Variants in RBFOX1 observed in about 807,000 individuals in gnomAD.
The protein encoded by RBFOX1 is RNA binding fox-1 homolog 1.
RBFOX1 carries 8 observed loss-of-function variants against 57.7 expected under a neutral mutation model. The ratio of observed to expected loss-of-function variants is 0.14; its 90% CI spans 0.08 to 0.25. RBFOX1 has a LOEUF of 0.25. Ranked by LOEUF, RBFOX1 falls within the 10% of genes least tolerant of loss-of-function variation. The probability of loss-of-function intolerance (pLI) is 1.00; values close to 1 mark genes in which losing one functional copy is unlikely to be tolerated. For missense variants in RBFOX1, 611 were observed against 548.5 expected (o/e 1.11, Z -1.14); for synonymous variants, 326 against 222.4 (o/e 1.47, Z -4.15).
At chr16:7,639,092 G>C (rs2143015301) in intron 11 of RBFOX1, among the ~76,000 whole-genome samples, 1 of 152,232 alleles carries the variant, frequency 6.6e-6, no homozygotes, top group East Asian at 1.9e-4. Context: ...ACTTAAATTT[G>C]ATCAAGATAC....
intron 1 of RBFOX1, among the ~76,000 whole-genome samples, chr16:6,210,718 C>G (rs993196260): frequency 2.0e-5 from 3 of 151,380 alleles, no homozygotes; most frequent in African/African-American, 7.3e-5. Flanking sequence ...CAGTGAGACT[C>G]CCTCTCAACA....
At chr16:7,232,770 G>C (rs892797938) in intron 4 of RBFOX1, among the ~76,000 whole-genome samples, 31 of 151,626 alleles carry the variant, frequency 2.0e-4, no homozygotes, top group Admixed American at 2.0e-3. Flanking sequence ...GAACCTGGGA[G>C]GGGGAGGTTG....
intron 1 of RBFOX1, among the ~76,000 whole-genome samples, chr16:6,206,597 C>T (rs886982460): frequency 6.6e-6 from 1 of 152,118 alleles, no homozygotes; most frequent in Admixed American, 6.6e-5. Flanking sequence ...TAAATTAAAC[C>T]TTTCCCAAAT....
intron 3 of RBFOX1, among the ~76,000 whole-genome samples, chr16:5,804,012 G>A (rs1217685039): frequency 6.6e-6 from 1 of 152,074 alleles, no homozygotes; most frequent in Non-Finnish European, 1.5e-5. Context: ...TTTCCTCTGG[G>A]AAGTCTTGCC....
intron 4 of RBFOX1, among the ~76,000 whole-genome samples, chr16:7,226,539 A>G (rs1177350209): frequency 6.6e-6 from 1 of 152,206 alleles, no homozygotes; most frequent in South Asian, 2.1e-4. Flanking sequence ...TGCCGTAACA[A>G]ATTCTCTCAA....
intron 3 of RBFOX1, among the ~76,000 whole-genome samples, chr16:6,745,533 A>G (rs989977303): frequency 6.6e-6 from 1 of 152,232 alleles, no homozygotes; most frequent in African/African-American, 2.4e-5. Context: ...CATATTAACA[A>G]CAAAATGTGA....
At chr16:7,435,144 C>G (rs749334957) in intron 4 of RBFOX1, among the ~76,000 whole-genome samples, 13 of 152,140 alleles carry the variant, frequency 8.5e-5, no homozygotes, top group Admixed American at 2.0e-4. Context: ...TCGTTCTTTT[C>G]TGTTCCAGGA....
intron 4 of RBFOX1, among the ~76,000 whole-genome samples, chr16:7,464,737 C>T (rs1362589733): frequency 6.9e-6 from 1 of 144,648 alleles, no homozygotes; most frequent in Non-Finnish European, 1.5e-5. Context: ...TGCTCTGTCG[C>T]CCAGGCTGGA....
At chr16:7,135,330 T>G (rs1188639280) in intron 4 of RBFOX1, among the ~76,000 whole-genome samples, 19 of 152,188 alleles carry the variant, frequency 1.2e-4, no homozygotes, top group Admixed American at 1.1e-3. Flanking sequence ...CAAGAGGAAA[T>G]TTGTCAGCAC....
At chr16:5,342,799 A>G (rs58185651) in intron 1 of RBFOX1, among the ~76,000 whole-genome samples, 4,968 of 152,270 alleles carry the variant, frequency 0.033, 263 homozygotes, top group African/African-American at 0.11. Context: ...CAGCAAAACC[A>G]TCTGCTTACC....
At chr16:5,538,867 C>A (rs977448281) in intron 2 of RBFOX1, among the ~76,000 whole-genome samples, 1 of 152,060 alleles carries the variant, frequency 6.6e-6, no homozygotes. Flanking sequence ...ACATCATGAT[C>A]TGCCCACCTC....
At chr16:6,867,768 G>T (rs181678870) in intron 3 of RBFOX1, among the ~76,000 whole-genome samples, 1 of 152,146 alleles carries the variant, frequency 6.6e-6, no homozygotes, top group African/African-American at 2.4e-5. Flanking sequence ...ATTACCCATG[G>T]CATCATTACC....
intron 2 of RBFOX1, among the ~76,000 whole-genome samples, chr16:5,568,957 C>T (rs906664129): frequency 1.2e-4 from 18 of 152,014 alleles, no homozygotes; most frequent in Non-Finnish European, 2.4e-4. Flanking sequence ...TCTCCTGCCT[C>T]AGCCTCCTGA....
chr16:7,677,789 T>C (rs2146498600), intron 14 of RBFOX1, among the ~76,000 whole-genome samples: 1 of 152,324 alleles, frequency 6.6e-6, no homozygotes, highest in Non-Finnish European at 1.5e-5. Flanking sequence ...GATAACAATT[T>C]GCATGTGTGG....
At chr16:7,672,865 CAAAAAA>C (rs56693228) in intron 13 of RBFOX1, among the ~76,000 whole-genome samples, 7 of 42,892 alleles carry the variant, frequency 1.6e-4, no homozygotes, top group African/African-American at 6.8e-4. Context: ...GACTCCATCT[CAAAAAA>C]AAAAAAAAAA....
chr16:5,710,385 G>C (rs192832946), intron 3 of RBFOX1, among the ~76,000 whole-genome samples: 19 of 152,238 alleles, frequency 1.2e-4, no homozygotes, highest in South Asian at 4.1e-4. Flanking sequence ...CATTGACATG[G>C]GTCTCTTCAT....
chr16:7,126,469 C>A lies in RBFOX1; in HGVS notation c.27+74371C>A, dbSNP rs576974365. On this transcript the variant is annotated intron_variant, in intron 4 of 15. Transcript: ENST00000550418. ...TTGGGAAGCACAAAGGCATCGAAGA[C>A]GCTTGCTTCAGAAACATCCCTGACT... 19 of 228,780 alleles carry A rather than the reference C, an allele frequency of 8.3e-5. No individual in the cohort carries two copies. The East Asian group carries it at 2.0e-3, about 25-fold the overall frequency. The allele number at this position is 228,780 out of a possible 1,614,324, so 14.2% of individuals were successfully genotyped here.
chr16:7,495,586 T>C (rs2068362814), intron 4 of RBFOX1, among the ~76,000 whole-genome samples: 1 of 152,248 alleles, frequency 6.6e-6, no homozygotes, highest in African/African-American at 2.4e-5. Flanking sequence ...ATAAGCATTT[T>C]TTCGTATGTT....
chr16:6,116,100 A>G (rs2096493513), intron 1 of RBFOX1, among the ~76,000 whole-genome samples: 1 of 152,150 alleles, frequency 6.6e-6, no homozygotes, highest in South Asian at 2.1e-4. Context: ...ATAAAAAAGG[A>G]TGAGTTCATG....
Sources: gnomAD v4.1 joint callset for allele counts (sites outside exome capture counted in the v4.1 genomes callset) on GRCh38, gnomAD v4.1.1 for gene constraint, MANE v1.5 for transcripts, NCBI Gene and HGNC (gene_info 2026-07-23, HGNC 2026-07-21) for gene names.